OR51B5: variants seen among roughly 807,000 people sequenced by gnomAD.
The protein encoded by OR51B5 is olfactory receptor family 51 subfamily B member 5, also known as olfactory receptor 51B5.
For missense variants in OR51B5, 456 were observed against 374.6 expected, an observed-to-expected ratio of 1.22 and a Z score of -1.79; for synonymous variants, 186 against 144.8, an observed-to-expected ratio of 1.28 and a Z score of -2.04.
chr11:5,390,121 C>T (rs746951241), intron 1 of OR51B5: 4 of 1,613,752 alleles, frequency 2.5e-6, no homozygotes, highest in Non-Finnish European at 3.4e-6. Flanking sequence ...CAGGCCTGGC[C>T]TCCCAAGAGG....
intron 1 of OR51B5, among the ~76,000 whole-genome samples, chr11:5,417,582 A>G (rs1850262703): frequency 7.5e-6 from 1 of 132,788 alleles, no homozygotes; most frequent in Non-Finnish European, 1.6e-5. Context: ...AATTTACAAG[A>G]AAAAAAAAAC....
At position 5,377,140 on chromosome 11, in the gene OR51B5, GCAAGGCTGGTT is replaced by G. The variant is rs1849540085; in HGVS notation, n.85-30241_85-30231del. 2.0e-5 allele frequency among the ~76,000 whole-genome samples: 3 copies of G among 152,126 alleles called. 1 individual carries two copies. The highest frequency in any genetic ancestry group is 4.4e-5 in the Non-Finnish European group (3 of 68,010). The stretch of plus-strand genomic sequence containing the variant: ...ATCAAGTGGACTTCATCCCTGGGAT[GCAAGGCTGGTT>G]CAATATATGCAAATCAATAAATGTA... On this transcript the variant is annotated intron_variant and non_coding_transcript_variant, in intron 1 of 4. Coordinates refer to the OR51B5 transcript ENST00000415970.
At chr11:5,380,090 G>A (rs184284699) in intron 1 of OR51B5, among the ~76,000 whole-genome samples, 1 of 152,146 alleles carries the variant, frequency 6.6e-6, no homozygotes, top group African/African-American at 2.4e-5. Context: ...GTGGGGAGAA[G>A]AGATGGTTTC....
intron 1 of OR51B5, among the ~76,000 whole-genome samples, chr11:5,368,218 T>C (rs1849401308): frequency 6.6e-6 from 1 of 152,230 alleles, no homozygotes; most frequent in African/African-American, 2.4e-5. Flanking sequence ...TGTTTCATGC[T>C]TCTTCATACA....
intron 1 of OR51B5, among the ~76,000 whole-genome samples, chr11:5,451,826 G>A (rs755127603): frequency 1.3e-5 from 2 of 152,136 alleles, no homozygotes; most frequent in Non-Finnish European, 2.9e-5. Flanking sequence ...CTAAAATGAG[G>A]GTGACCTATT....
intron 1 of OR51B5, among the ~76,000 whole-genome samples, chr11:5,421,013 G>C (rs1850325871): frequency 6.6e-6 from 1 of 152,298 alleles, no homozygotes; most frequent in South Asian, 2.1e-4. Flanking sequence ...AAGTCTTTTA[G>C]AACTAATTTT....
intron 1 of OR51B5, chr11:5,352,377 T>C (rs746951322): frequency 7.4e-6 from 12 of 1,613,404 alleles, no homozygotes; most frequent in Non-Finnish European, 1.0e-5. Flanking sequence ...CATTTATCTA[T>C]AGCATTAAAA....
chr11:5,395,673 T>C (rs771638455), intron 1 of OR51B5, among the ~76,000 whole-genome samples: 2 of 152,138 alleles, frequency 1.3e-5, no homozygotes, highest in Non-Finnish European at 2.9e-5. Context: ...AACCTAATCA[T>C]TTCTCTCGAA....
At chr11:5,497,174 G>C (rs1470015532) in intron 1 of OR51B5, among the ~76,000 whole-genome samples, 1 of 152,180 alleles carries the variant, frequency 6.6e-6, no homozygotes, top group East Asian at 1.9e-4. Context: ...TGGTAAATGC[G>C]TTGAGTACTT....
chr11:5,465,129 C>T (rs1489478517), intron 1 of OR51B5, among the ~76,000 whole-genome samples: 1 of 133,052 alleles, frequency 7.5e-6, no homozygotes, highest in Non-Finnish European at 1.6e-5. Flanking sequence ...TGGCGTGAAC[C>T]CGGGAGGCGG....
At chr11:5,377,540 A>G (rs559559558) in intron 1 of OR51B5, among the ~76,000 whole-genome samples, 1 of 152,130 alleles carries the variant, frequency 6.6e-6, no homozygotes, top group African/African-American at 2.4e-5. Context: ...TGCAGACGAC[A>G]TGATTGTATA....
At chr11:5,484,082 G>A (rs1037738870) in intron 1 of OR51B5, among the ~76,000 whole-genome samples, 4 of 151,990 alleles carry the variant, frequency 2.6e-5, no homozygotes, top group Non-Finnish European at 4.4e-5. Flanking sequence ...CCTTTACACC[G>A]AGGTCCAACT....
intron 1 of OR51B5, among the ~76,000 whole-genome samples, chr11:5,396,227 G>A (rs543087746): frequency 2.2e-4 from 33 of 152,216 alleles, no homozygotes; most frequent in South Asian, 4.2e-4. Context: ...CCGGGCAATC[G>A]GGCAGGAGAA....
chr11:5,391,144 A>T (rs7395015), intron 1 of OR51B5: 120,081 of 152,226 alleles, frequency 0.79, 47,744 homozygotes, highest in Middle Eastern at 0.84. Context: ...AAGGAAACTC[A>T]CACAAACATA....
intron 1 of OR51B5, among the ~76,000 whole-genome samples, chr11:5,380,108 G>A (rs1589964330): frequency 6.6e-6 from 1 of 151,990 alleles, no homozygotes; most frequent in Non-Finnish European, 1.5e-5. Context: ...TTCCCAAAAG[G>A]GGTCTCTCTG....
intron 1 of OR51B5, among the ~76,000 whole-genome samples, chr11:5,444,179 C>T (rs1850731381): frequency 6.6e-6 from 1 of 152,102 alleles, no homozygotes; most frequent in African/African-American, 2.4e-5. Flanking sequence ...CATATACATA[C>T]ATATATGCTG....
chr11:5,380,801 C>T (rs1278660472), intron 1 of OR51B5, among the ~76,000 whole-genome samples: 1 of 152,156 alleles, frequency 6.6e-6, no homozygotes, highest in Non-Finnish European at 1.5e-5. Context: ...TGGTTGGCAG[C>T]TTTCAGCTGT....
chr11:5,402,272 C>G (rs2467225), intron 1 of OR51B5, among the ~76,000 whole-genome samples: 56,703 of 151,956 alleles, frequency 0.37, 10,677 homozygotes, highest in South Asian at 0.43. Flanking sequence ...ACATCAGCCT[C>G]CCAAAGTGCT....
chr11:5,384,124 G>GCA (rs1295535803), intron 1 of OR51B5, among the ~76,000 whole-genome samples: 4 of 152,116 alleles, frequency 2.6e-5, no homozygotes, highest in Non-Finnish European at 5.9e-5. Context: ...CACATTCCCT[G>GCA]CACTAAGCCT....
Sources: gnomAD v4.1 joint callset for allele counts (sites outside exome capture counted in the v4.1 genomes callset) on GRCh38, gnomAD v4.1.1 for gene constraint, MANE v1.5 for transcripts, NCBI Gene and HGNC (gene_info 2026-07-23, HGNC 2026-07-21) for gene names.